The following COL23A1 variants were observed in gnomAD, a reference collection of about 807,000 sequenced individuals.
COL23A1 encodes collagen alpha-1(XXIII) chain.
A neutral mutation model predicts 99.3 loss-of-function variants in COL23A1; 97 were observed. The ratio of observed to expected loss-of-function variants is 0.98; its 90% CI spans 0.83 to 1.16. The LOEUF (loss-of-function observed/expected upper bound fraction) is 1.16, where lower values mean the gene tolerates loss of function less well. Among genes scored for constraint, COL23A1 ranks in the 50% most tolerant of loss-of-function variants. COL23A1 has a pLI of 0.00. For missense variants in COL23A1, 762 were observed against 757.4 expected, an observed-to-expected ratio of 1.01 and a Z score of -0.07; for synonymous variants, 320 against 308.2, an observed-to-expected ratio of 1.04 and a Z score of -0.40.
intron 2 of COL23A1, among the ~76,000 whole-genome samples, chr5:178,460,937 C>T (rs1015023166): frequency 6.6e-5 from 10 of 152,168 alleles, no homozygotes; most frequent in Admixed American, 5.2e-4. Context: ...GTGGGGGTCT[C>T]AGCTCATGCC....
chr5:178,405,757 A>C (rs760210918), intron 2 of COL23A1, among the ~76,000 whole-genome samples: 5 of 152,218 alleles, frequency 3.3e-5, no homozygotes, highest in Non-Finnish European at 7.3e-5. Context: ...CAAACTAAAA[A>C]CCACTAGGAG....
chr5:178,341,637 C>T (rs1760669717), intron 2 of COL23A1, among the ~76,000 whole-genome samples: 1 of 152,164 alleles, frequency 6.6e-6, no homozygotes, highest in African/African-American at 2.4e-5. Flanking sequence ...GGGGAGCCAG[C>T]ACAGGGTCTC....
intron 1 of COL23A1, among the ~76,000 whole-genome samples, chr5:178,568,381 T>A (rs1762935004): frequency 6.6e-6 from 1 of 152,092 alleles, no homozygotes; most frequent in Non-Finnish European, 1.5e-5. Flanking sequence ...AATCACAAAG[T>A]CACTTACCAC....
intron 2 of COL23A1, among the ~76,000 whole-genome samples, chr5:178,408,770 C>T (rs2127776656): frequency 6.6e-6 from 1 of 152,050 alleles, no homozygotes; most frequent in East Asian, 1.9e-4. Flanking sequence ...GCTTGACCAA[C>T]ATGGAGAAAC....
At chr5:178,473,461 A>ATTTTTTTTTTTTTTTTT (rs58255875) in intron 2 of COL23A1, among the ~76,000 whole-genome samples, 4 of 95,090 alleles carry the variant, frequency 4.2e-5, no homozygotes, top group African/African-American at 4.0e-5. Flanking sequence ...CATCCGGCTA[A>ATTTTTTTTTTTTTTTTT]TTTTTTTTTT....
intron 2 of COL23A1, among the ~76,000 whole-genome samples, chr5:178,437,873 G>C (rs532585658): frequency 2.0e-5 from 3 of 152,312 alleles, no homozygotes; most frequent in East Asian, 1.9e-4. Flanking sequence ...AAGGGGCCTG[G>C]GGGGAGGTGG....
chr5:178,352,620 T>G (rs539398757), intron 2 of COL23A1, among the ~76,000 whole-genome samples: 1 of 152,376 alleles, frequency 6.6e-6, no homozygotes, highest in East Asian at 1.9e-4. Flanking sequence ...CAGAGAGGAA[T>G]GCTGCACCCA....
intron 2 of COL23A1, among the ~76,000 whole-genome samples, chr5:178,518,517 G>T (rs1759711012): frequency 6.6e-6 from 1 of 151,560 alleles, no homozygotes; most frequent in African/African-American, 2.4e-5. Context: ...TGGCTGGCCG[G>T]GCAGAGGGGC....
At chr5:178,470,362 A>T (rs895110466) in intron 2 of COL23A1, among the ~76,000 whole-genome samples, 1 of 152,168 alleles carries the variant, frequency 6.6e-6, no homozygotes, top group Non-Finnish European at 1.5e-5. Context: ...AGTGCCCATA[A>T]GCCGAGCAGA....
intron 2 of COL23A1, among the ~76,000 whole-genome samples, chr5:178,426,685 C>T (rs1360923057): frequency 1.3e-5 from 2 of 152,142 alleles, no homozygotes; most frequent in African/African-American, 4.8e-5. Flanking sequence ...TGAGACAAGC[C>T]GCAGAGAGAG....
chr5:178,427,168 G>A (rs1450181680), intron 2 of COL23A1, among the ~76,000 whole-genome samples: 1 of 152,168 alleles, frequency 6.6e-6, no homozygotes, highest in Non-Finnish European at 1.5e-5. Context: ...ACTCCAGCCT[G>A]GGCGACAAGA....
At chr5:178,364,761 G>A (rs944478689) in intron 2 of COL23A1, among the ~76,000 whole-genome samples, 1 of 152,162 alleles carries the variant, frequency 6.6e-6, no homozygotes, top group Non-Finnish European at 1.5e-5. Context: ...TAAGGCACCT[G>A]GATCTACAAA....
chr5:178,509,736 C>G (rs1355497889), intron 2 of COL23A1, among the ~76,000 whole-genome samples: 1 of 152,202 alleles, frequency 6.6e-6, no homozygotes, highest in East Asian at 1.9e-4. Context: ...ACCGCCCCGC[C>G]CCAAGTGTGA....
chr5:178,358,240 ATG>A (rs879838523), intron 2 of COL23A1, among the ~76,000 whole-genome samples: 13,242 of 48,204 alleles, frequency 0.27, 868 homozygotes, highest in East Asian at 0.46. Context: ...GTATGTGTGT[ATG>A]TGTATGTGTG....
intron 1 of COL23A1, among the ~76,000 whole-genome samples, chr5:178,585,817 C>T (rs1284664938): frequency 1.5e-5 from 1 of 68,906 alleles, no homozygotes; most frequent in African/African-American, 4.1e-5. Context: ...GTTCCAGCGG[C>T]AACACGCCCA....
intron 2 of COL23A1, among the ~76,000 whole-genome samples, chr5:178,525,676 CG>C (rs1760262454): frequency 8.1e-6 from 1 of 123,148 alleles, no homozygotes; most frequent in South Asian, 3.0e-4. Flanking sequence ...CCCCAGGACC[CG>C]AAGGCTAAGC....
intron 2 of COL23A1, among the ~76,000 whole-genome samples, chr5:178,537,223 G>T (rs1024228440): frequency 1.3e-5 from 2 of 152,176 alleles, no homozygotes; most frequent in African/African-American, 4.8e-5. Flanking sequence ...CTCTTAGGGG[G>T]GTCTGGGGCT....
At chr5:178,526,594 T>C (rs1031373747) in intron 2 of COL23A1, among the ~76,000 whole-genome samples, 3 of 152,116 alleles carry the variant, frequency 2.0e-5, no homozygotes, top group Non-Finnish European at 4.4e-5. Flanking sequence ...GTTTGAGTCA[T>C]GTTTCTGTCA....
chr5:178,247,929 C>T (rs554764519), intron 20 of COL23A1, 98 bp from the exon 21 acceptor site: 50 of 1,114,678 alleles, frequency 4.5e-5, no homozygotes, highest in African/African-American at 3.3e-4. Context: ...GAGTCTCCTT[C>T]CTGCCCCCCA....
Sources: allele counts gnomAD v4.1 joint callset (sites outside exome capture counted in the v4.1 genomes callset), GRCh38; gene constraint gnomAD v4.1.1; transcripts MANE v1.5; gene names NCBI Gene and HGNC (gene_info 2026-07-23, HGNC 2026-07-21).